RAB3GAP2: variants seen among roughly 807,000 people sequenced by gnomAD.
RAB3GAP2 encodes the protein RAB3 GTPase activating non-catalytic protein subunit 2.
A neutral mutation model predicts 185.3 loss-of-function variants in RAB3GAP2; 87 were observed. The ratio of observed to expected loss-of-function variants is 0.47; its 90% CI spans 0.39 to 0.56. RAB3GAP2 has a LOEUF of 0.56. Ranked by LOEUF, RAB3GAP2 falls within the 20% of genes least tolerant of loss-of-function variation. RAB3GAP2 has a pLI of 0.00. For synonymous variants in RAB3GAP2, 554 were observed against 576.1 expected (o/e 0.96, Z 0.55); for missense variants, 1,492 against 1,638.2 (o/e 0.91, Z 1.54).
At chr1:220,257,195 G>C (rs1241402197) in intron 1 of RAB3GAP2, among the ~76,000 whole-genome samples, 1 of 152,030 alleles carries the variant, frequency 6.6e-6, no homozygotes, top group Admixed American at 6.6e-5. Context: ...TGGCTAACAT[G>C]GTGAAACCAT....
chr1:220,219,374 G>C (rs1409830670), intron 2 of RAB3GAP2: 1 of 152,174 alleles, frequency 6.6e-6, no homozygotes, highest in African/African-American at 2.4e-5. Flanking sequence ...GCTCTAAAAA[G>C]AATAAGTGGA....
chr1:220,174,804 G>A (rs776744347), intron 21 of RAB3GAP2, among the ~76,000 whole-genome samples: 1 of 152,102 alleles, frequency 6.6e-6, no homozygotes, highest in African/African-American at 2.4e-5. Flanking sequence ...GAGGATAAGG[G>A]GGAGTCACTG....
intron 1 of RAB3GAP2, among the ~76,000 whole-genome samples, chr1:220,270,052 G>T (rs146359130): frequency 5.3e-5 from 8 of 152,052 alleles, no homozygotes; most frequent in Non-Finnish European, 8.8e-5. Context: ...TACTGAAACT[G>T]TCCTAAGGTC....
intron 21 of RAB3GAP2, 73 bp downstream of exon 21, chr1:220,182,184 A>C: frequency 6.3e-7 from 1 of 1,593,202 alleles, no homozygotes; most frequent in Non-Finnish European, 8.5e-7. Flanking sequence ...ATAGTTAAAA[A>C]AAAAAAGAAG....
At chr1:220,197,217 A>G (rs1215808225) in intron 9 of RAB3GAP2, among the ~76,000 whole-genome samples, 1 of 151,998 alleles carries the variant, frequency 6.6e-6, no homozygotes, top group Non-Finnish European at 1.5e-5. Context: ...CAAACTCCTG[A>G]CCTCAGGTGA....
At chr1:220,177,651 A>G (rs573238444) in intron 21 of RAB3GAP2, among the ~76,000 whole-genome samples, 15 of 152,356 alleles carry the variant, frequency 9.8e-5, no homozygotes, top group South Asian at 2.1e-4. Flanking sequence ...GAGCTGAAAA[A>G]TAAATAAAAT....
intron 9 of RAB3GAP2, among the ~76,000 whole-genome samples, chr1:220,200,246 GTC>G (rs1658823766): frequency 6.6e-6 from 1 of 152,064 alleles, no homozygotes; most frequent in East Asian, 1.9e-4. Context: ...CATCCTTCAA[GTC>G]TCAGTCTGAA....
intron 1 of RAB3GAP2, among the ~76,000 whole-genome samples, chr1:220,244,058 A>T (rs1309016761): frequency 6.6e-6 from 1 of 152,212 alleles, no homozygotes; most frequent in East Asian, 1.9e-4. Context: ...AGTCCTCACA[A>T]GACTAATCAG....
intron 1 of RAB3GAP2, among the ~76,000 whole-genome samples, chr1:220,268,219 T>C (rs1660262471): frequency 6.6e-6 from 1 of 152,222 alleles, no homozygotes; most frequent in Non-Finnish European, 1.5e-5. Context: ...CTAATGTCAT[T>C]TTTTCTCTGT....
chr1:220,185,620 C>A, intron 18 of RAB3GAP2, 31 bp downstream of exon 18: 1 of 1,530,408 alleles, frequency 6.5e-7, no homozygotes, highest in South Asian at 1.1e-5. Flanking sequence ...GAGTTAAGAA[C>A]ATAACCTCCA....
intron 1 of RAB3GAP2, chr1:220,267,715 G>T: frequency 6.4e-7 from 1 of 1,566,310 alleles, no homozygotes; most frequent in Non-Finnish European, 8.8e-7. Context: ...ACTGGCTTGT[G>T]ACTGGAGACA....
At chr1:220,167,247 G>A in intron 26 of RAB3GAP2, 46 bp downstream of exon 26, 1 of 1,525,562 alleles carries the variant, frequency 6.6e-7, no homozygotes, top group Non-Finnish European at 9.1e-7. Flanking sequence ...TGAATAGCAT[G>A]AACACAGAAG....
Position 220,171,881 on chromosome 1 carries a change from C to T in RAB3GAP2, c.2577+8G>A, listed in dbSNP as rs768601403. 1 of 1,614,050 alleles carries T rather than the reference C, an allele frequency of 6.2e-7. No homozygotes were observed. The highest frequency in any genetic ancestry group is 8.5e-7 in the Non-Finnish European group (1 of 1,180,006). On this transcript the variant is annotated splice_region_variant and intron_variant, in intron 23 of 34. Coordinates refer to ENST00000358951, the MANE Select transcript of RAB3GAP2 (RefSeq NM_012414.4). ...GTACAGATCAAAGCCATACCTTTAC[C>T]CACTTACTTTTTTCTCTGTCATGTT... is the stretch of plus-strand genomic sequence containing the variant.
intron 8 of RAB3GAP2, among the ~76,000 whole-genome samples, chr1:220,205,323 G>A (rs1658943419): frequency 6.6e-6 from 1 of 151,984 alleles, no homozygotes; most frequent in African/African-American, 2.4e-5. Flanking sequence ...ATTAAGTTTA[G>A]GCCTCTACCT....
intron 18 of RAB3GAP2, among the ~76,000 whole-genome samples, chr1:220,185,037 A>G (rs1197420253): frequency 6.6e-6 from 1 of 152,184 alleles, no homozygotes; most frequent in African/African-American, 2.4e-5. Flanking sequence ...CATAATTAAT[A>G]TGACAAACAA....
intron 10 of RAB3GAP2, among the ~76,000 whole-genome samples, chr1:220,195,687 A>G (rs1401558396): frequency 6.6e-6 from 1 of 152,178 alleles, no homozygotes; most frequent in Non-Finnish European, 1.5e-5. Context: ...TGGACTATGG[A>G]TTTCACACCT....
intron 31 of RAB3GAP2, chr1:220,154,405 A>T: frequency 4.3e-6 from 1 of 235,050 alleles, no homozygotes; most frequent in Non-Finnish European, 8.4e-6. Flanking sequence ...ACTCATATTC[A>T]CTCTCACTTG....
intron 8 of RAB3GAP2, among the ~76,000 whole-genome samples, chr1:220,204,456 C>T (rs1009984365): frequency 5.9e-5 from 9 of 151,996 alleles, no homozygotes; most frequent in Admixed American, 5.2e-4. Context: ...TAGAAATAGA[C>T]AATTATTTTA....
intron 23 of RAB3GAP2, 129 bp from the exon 24 acceptor site, chr1:220,171,249 C>G (rs1439049522): frequency 1.2e-6 from 1 of 830,690 alleles, no homozygotes; most frequent in African/African-American, 1.7e-5. Flanking sequence ...TGCTATTTCA[C>G]AAATATTACT....
Sources: gnomAD v4.1 joint callset for allele counts (sites outside exome capture counted in the v4.1 genomes callset) on GRCh38, gnomAD v4.1.1 for gene constraint, MANE v1.5 for transcripts, NCBI Gene and HGNC (gene_info 2026-07-23, HGNC 2026-07-21) for gene names.